The following DNAH6 variants were observed in gnomAD, a reference collection of about 807,000 sequenced individuals.
DNAH6 encodes the protein axonemal beta dynein heavy chain 6.
Under a neutral mutation model 491.4 loss-of-function variants are expected in DNAH6, and 340 were observed. That is an observed-to-expected ratio of 0.69 (90% CI 0.63 to 0.76). The LOEUF is 0.76. Among genes scored for constraint, DNAH6 ranks in the 30% least tolerant of loss-of-function variants. The pLI is 0.00. For synonymous variants in DNAH6, 1,603 were observed against 1,686.1 expected, an observed-to-expected ratio of 0.95 and a Z score of 1.21; for missense variants, 4,443 against 4,972.2, an observed-to-expected ratio of 0.89 and a Z score of 3.20.
chr2:84,699,647 C>T lies in DNAH6; in HGVS notation c.7731C>T (p.Cys2577=), dbSNP rs767565009. ...GTCAGAAGCTGCACATTGTTCTCTG[C>T]ATGAGCCCAGTTGGGGAGGCCTTTC... ...KVRQKLHIVL[C]MSPVGEAFRS... The change falls in exon 48 of 77, where the codon TGC becomes TGT. Residue 2577 remains cysteine, a synonymous_variant. Coordinates refer to ENST00000389394, the MANE Select transcript of DNAH6 (RefSeq NM_001370.2). 1.8e-5 allele frequency: 28 copies of T among 1,551,822 alleles called. No individual in the cohort carries two copies. In the South Asian group the frequency reaches 3.1e-4, roughly 17 times the overall value.
chr2:84,663,079 C>A (rs954370046), intron 37 of DNAH6, among the ~76,000 whole-genome samples: 1 of 152,216 alleles, frequency 6.6e-6, no homozygotes, highest in Non-Finnish European at 1.5e-5. Context: ...ACCAAAACCC[C>A]ATCTGTACGA....
At chr2:84,548,805 A>G (rs1679049182) in intron 8 of DNAH6, among the ~76,000 whole-genome samples, 3 of 152,128 alleles carry the variant, frequency 2.0e-5, no homozygotes. Context: ...CAAGGCCAAG[A>G]GCTCCTCTTT....
At chr2:84,788,701 G>A (rs1019180946) in intron 68 of DNAH6, among the ~76,000 whole-genome samples, 2 of 152,114 alleles carry the variant, frequency 1.3e-5, no homozygotes, top group South Asian at 2.1e-4. Context: ...TTATCAGGTC[G>A]ATTTATTTTT....
chr2:84,737,951 C>T (rs749289357), intron 62 of DNAH6, among the ~76,000 whole-genome samples: 12 of 151,936 alleles, frequency 7.9e-5, no homozygotes, highest in Admixed American at 1.3e-4. Context: ...TCTAACTTCT[C>T]GATGTCATTT....
intron 21 of DNAH6, among the ~76,000 whole-genome samples, chr2:84,608,856 A>G (rs1192868574): frequency 6.6e-6 from 1 of 152,228 alleles, no homozygotes; most frequent in African/African-American, 2.4e-5. Flanking sequence ...CCTACATGGC[A>G]TCTTCTTCTA....
chr2:84,656,980 T>G (rs1691034106), intron 35 of DNAH6, among the ~76,000 whole-genome samples: 1 of 152,090 alleles, frequency 6.6e-6, no homozygotes, highest in South Asian at 2.1e-4. Flanking sequence ...GCTTTACATT[T>G]ATAATCCATT....
chr2:84,615,159 G>A (rs1001309366), intron 22 of DNAH6, among the ~76,000 whole-genome samples: 1 of 151,974 alleles, frequency 6.6e-6, no homozygotes, highest in Admixed American at 6.6e-5. Flanking sequence ...TTCCAGAATT[G>A]TTATGGTTTC....
chr2:84,779,590 TTGCTACTCTG>T (rs1403765069), intron 64 of DNAH6, among the ~76,000 whole-genome samples: 10 of 152,232 alleles, frequency 6.6e-5, no homozygotes, highest in Non-Finnish European at 1.2e-4. Context: ...TTTATCCAAC[TTGCTACTCTG>T]TGCCTGTTAA....
chr2:84,664,276 A>G lies in DNAH6; in HGVS notation c.6085-5013A>G, dbSNP rs151229037. ...TTAACGTTAAATGTAAATGGGCTAA[A>G]TGCTCCAATTAAAAGACACAGACTG... is the stretch of plus-strand genomic sequence containing the variant. On this transcript the variant is annotated intron_variant, in intron 37 of 76. Coordinates refer to ENST00000389394, the MANE Select transcript of DNAH6 (RefSeq NM_001370.2). Among the ~76,000 whole-genome samples the G allele has an allele frequency of 5.6e-3, 851 of 152,322 alleles. 6 individuals carry two copies. The highest frequency in any genetic ancestry group is 0.019 in the African/African-American group (796 of 41,568).
rs900860015 is a variant in DNAH6 at position 84,589,537 on chromosome 2, C to T, written c.2610+583C>T. Among the ~76,000 whole-genome samples the T allele has an allele frequency of 4.0e-5, 6 of 151,856 alleles. No individual in the cohort carries two copies. The South Asian group carries it at 1.2e-3, about 31-fold the overall frequency. On this transcript the variant is annotated intron_variant, in intron 16 of 76. Transcript: ENST00000389394. ...GACCAGCCTGACCAACATAGTGAAA[C>T]CACATCTCCACTAAAAATACAAAAA...
chr2:84,626,958 A>C (rs1159630869), intron 29 of DNAH6, among the ~76,000 whole-genome samples: 2 of 152,146 alleles, frequency 1.3e-5, no homozygotes, highest in African/African-American at 4.8e-5. Flanking sequence ...GGAGATATTT[A>C]TTAAACTACA....
the DNAH6 span, among the ~76,000 whole-genome samples, chr2:84,483,024 G>C: frequency 2.0e-5 from 3 of 150,796 alleles, no homozygotes; most frequent in East Asian, 5.9e-4. Context: ...GCAGTGGTAT[G>C]ATCATAGCTC....
chr2:84,514,765 A>G (rs1042635090), upstream of DNAH6, among the ~76,000 whole-genome samples: 17 of 152,166 alleles, frequency 1.1e-4, no homozygotes, highest in Admixed American at 1.1e-3. Context: ...GCCACATTAA[A>G]AAATAAGCTT....
intron 37 of DNAH6, among the ~76,000 whole-genome samples, chr2:84,664,490 A>G (rs907579145): frequency 1.5e-4 from 23 of 152,196 alleles, no homozygotes; most frequent in African/African-American, 4.6e-4. Context: ...ACAAAGATCA[A>G]AAGAGACAAA....
intron 33 of DNAH6, among the ~76,000 whole-genome samples, chr2:84,651,998 C>G (rs1164843338): frequency 6.6e-6 from 1 of 150,692 alleles, no homozygotes; most frequent in African/African-American, 2.4e-5. Flanking sequence ...TAAGATGGTA[C>G]TTTGAGACAT....
chr2:84,583,915 C>A, intron 14 of DNAH6, 84 bp from the exon 15 acceptor site: 1 of 1,348,364 alleles, frequency 7.4e-7, no homozygotes, highest in South Asian at 1.3e-5. Context: ...TCATATTGTA[C>A]AGTGTCTGTC....
rs1205999443 is a variant in DNAH6, at chr2:84,722,637, G to A, written c.9805G>A (p.Ala3269Thr). Residue 3269 changes from alanine (A) to threonine (T), a missense_variant, in exon 60 of 77, where the codon GCC (alanine) becomes ACC (threonine). Physicochemically the swap from Ala to Thr is moderately conservative, Grantham distance 58 (BLOSUM62 0). Around this residue, in one of 3 missense-constraint regions of DNAH6, gnomAD observed 1,463 missense variants for 1,656.6 expected, o/e 0.88. Coordinates refer to ENST00000389394, the MANE Select transcript of DNAH6 (RefSeq NM_001370.2). The stretch of plus-strand genomic sequence containing the variant: ...TATGTTTATTCAGATCACTTCTGGT[G>A]CCATTAAAACCAGGCTGGAAGAAGC... ...TLQDSKITSG[A>T]IKTRLEEAES... 1.9e-6 allele frequency: 3 copies of A among 1,548,554 alleles called. No homozygotes were observed.
At chr2:84,578,494 G>C (rs1682698406) in intron 13 of DNAH6, among the ~76,000 whole-genome samples, 1 of 152,072 alleles carries the variant, frequency 6.6e-6, no homozygotes, top group African/African-American at 2.4e-5. Context: ...TGATCTAGTG[G>C]CTCAGTGGTG....
At chr2:84,635,740 G>A (rs1379007333) in intron 30 of DNAH6, among the ~76,000 whole-genome samples, 1 of 152,124 alleles carries the variant, frequency 6.6e-6, no homozygotes, top group Non-Finnish European at 1.5e-5. Flanking sequence ...TTGGGGTGGG[G>A]TATACTGTTT....
Sources: gnomAD v4.1 joint callset for allele counts (sites outside exome capture counted in the v4.1 genomes callset) on GRCh38, gnomAD v4.1.1 for gene constraint, gnomAD v4.1.1 regional missense constraint, MANE v1.5 for transcripts, NCBI Gene and HGNC (gene_info 2026-07-23, HGNC 2026-07-21) for gene names.